Variants in NANS observed in about 807,000 individuals in gnomAD.
NANS encodes N-acetylneuraminate synthase.
A neutral mutation model predicts 33.3 loss-of-function variants in NANS; 29 were observed. That is an observed-to-expected ratio of 0.87 (90% CI 0.65 to 1.19). The LOEUF (loss-of-function observed/expected upper bound fraction) is 1.19, where lower values mean the gene tolerates loss of function less well. Among genes scored for constraint, NANS ranks in the 50% most tolerant of loss-of-function variants. The pLI, the probability that NANS is intolerant of heterozygous loss-of-function variation, is 0.00. For missense variants in NANS, 394 were observed against 461.1 expected (o/e 0.85, Z 1.33); for synonymous variants, 163 against 177.2 (o/e 0.92, Z 0.64).
At chr9:98,079,186 G>T (rs1382037724) in intron 4 of NANS, among the ~76,000 whole-genome samples, 2 of 152,178 alleles carry the variant, frequency 1.3e-5, no homozygotes, top group Non-Finnish European at 2.9e-5. Context: ...GGCAAAGCTG[G>T]AACTAGAACC....
chr9:98,062,986 G>A (rs1829028839), intron 2 of NANS, among the ~76,000 whole-genome samples: 1 of 151,796 alleles, frequency 6.6e-6, no homozygotes, highest in Non-Finnish European at 1.5e-5. Context: ...ACCCAGGCTG[G>A]AGTACAGTGG....
At chr9:98,080,357 GATTA>G (rs1337866882) in intron 4 of NANS, among the ~76,000 whole-genome samples, 14 of 152,280 alleles carry the variant, frequency 9.2e-5, no homozygotes, top group Admixed American at 3.3e-4. Context: ...ATAGATAACG[GATTA>G]ATTATTTATC....
In NANS at chr9:98,061,778, C is replaced by CA. The variant is rs34108164; in HGVS notation, c.348+795dup. Among the ~76,000 whole-genome samples, 541 of 116,016 alleles carry CA rather than the reference C, an allele frequency of 4.7e-3. 4 individuals are homozygous for CA. The highest frequency in any genetic ancestry group is 0.029 in the South Asian group (108 of 3,716). 76.1% of individuals were successfully genotyped at this position (116,016 alleles called of 152,430 possible). A position where few individuals can be genotyped will look rare whatever the true frequency, so the allele number is the denominator to read the frequency against. On this transcript the variant is annotated intron_variant, in intron 2 of 5. Transcript: ENST00000210444. Reference sequence around the variant, plus strand: ...CTGGTGATAGAGCAAGATTCCGTCTCAAAAAAAAAAAAAATTAATAATAAT... The same window carrying CA: ...CTGGTGATAGAGCAAGATTCCGTCTCAAAAAAAAAAAAAAATTAATAATAAT...
At position 98,060,661 on chromosome 9, in the gene NANS, ACT is replaced by A. The variant is rs891615912; in HGVS notation, c.133-118_133-117del. 7.0e-6 allele frequency: 7 copies of A among 1,004,554 alleles called. No individual in the cohort carries two copies. The African/African-American group carries it at 9.8e-5, about 14-fold the overall frequency. The allele number at this position is 1,004,554 out of a possible 1,614,324, so 62.2% of individuals were successfully genotyped here. A position where few individuals can be genotyped will look rare whatever the true frequency, so the allele number is the denominator to read the frequency against. The stretch of plus-strand genomic sequence containing the variant: ...ACTCCAGCCTGGGTGAAAGAGCGAA[ACT>A]CTGTCTCTAAATAAATAAATAAATA... On this transcript the variant is annotated intron_variant, in intron 1 of 5. Coordinates refer to ENST00000210444, the MANE Select transcript of NANS (RefSeq NM_018946.4).
chr9:98,075,992 T>G (rs1040013950), intron 2 of NANS: 1 of 152,118 alleles, frequency 6.6e-6, no homozygotes, highest in African/African-American at 2.4e-5. Context: ...TGTTGATGAA[T>G]ACTAGAGAAG....
chr9:98,060,605 G>A (rs543763742), intron 1 of NANS, among the ~76,000 whole-genome samples, 177 bp from the exon 2 acceptor site: 2 of 151,416 alleles, frequency 1.3e-5, no homozygotes, highest in African/African-American at 4.9e-5. Context: ...GGGAGGCATT[G>A]GTTGTAGTGA....
At chr9:98,066,034 G>A (rs1004149917) in intron 2 of NANS, among the ~76,000 whole-genome samples, 1 of 152,150 alleles carries the variant, frequency 6.6e-6, no homozygotes, top group African/African-American at 2.4e-5. Context: ...TAACCTGGTT[G>A]TTAAAAATAA....
chr9:98,077,024 G>A lies in NANS; in HGVS notation c.448+7G>A, dbSNP rs1829623682. The A allele has an allele frequency of 6.3e-7, 1 of 1,596,300 alleles. No individual in the cohort carries two copies. The highest frequency in any genetic ancestry group is 1.3e-5 in the African/African-American group (1 of 74,124). The stretch of plus-strand genomic sequence containing the variant: ...GAAAAGACAGCCAAAAAAGGTAAGT[G>A]TCTAATTTTTGACTTAAAATCGAAG... On this transcript the variant is annotated splice_region_variant and intron_variant, in intron 3 of 5. Transcript: ENST00000210444.
chr9:98,082,142 T>G (rs1395497110), intron 5 of NANS: 1 of 152,248 alleles, frequency 6.6e-6, no homozygotes, highest in Non-Finnish European at 1.5e-5. Context: ...GTCATGAGCT[T>G]CAGGTACCCT....
intron 2 of NANS, among the ~76,000 whole-genome samples, chr9:98,070,166 G>T (rs1176116756): frequency 6.6e-6 from 1 of 152,170 alleles, no homozygotes; most frequent in Non-Finnish European, 1.5e-5. Context: ...CACGCAGGCT[G>T]GAGTGCAGTG....
At chr9:98,063,850 T>C (rs1202994121) in intron 2 of NANS, among the ~76,000 whole-genome samples, 2 of 150,624 alleles carry the variant, frequency 1.3e-5, no homozygotes, top group African/African-American at 4.9e-5. Context: ...GCCTGTTTTT[T>C]TGTGCTAATA....
chr9:98,081,917 A>G (rs1587933106), intron 5 of NANS: 1 of 152,246 alleles, frequency 6.6e-6, no homozygotes, highest in East Asian at 1.9e-4. Context: ...GGAGAGAATT[A>G]GACCAGAAAC....
At chr9:98,080,169 ACG>A (rs2118009077) in intron 4 of NANS, among the ~76,000 whole-genome samples, 2 of 152,220 alleles carry the variant, frequency 1.3e-5, no homozygotes, top group Non-Finnish European at 2.9e-5. Context: ...AGCTGAGATC[ACG>A]CCATTGCACT....
intron 4 of NANS, 140 bp from the exon 5 acceptor site, chr9:98,080,676 C>A: frequency 1.1e-6 from 1 of 871,574 alleles, no homozygotes; most frequent in Non-Finnish European, 1.7e-6. Flanking sequence ...GAAAGAGAGG[C>A]TCAGAGAGCC....
chr9:98,064,707 G>A (rs1451208666), intron 2 of NANS, among the ~76,000 whole-genome samples: 1 of 152,206 alleles, frequency 6.6e-6, no homozygotes, highest in Non-Finnish European at 1.5e-5. Flanking sequence ...GTTAGGAAAT[G>A]GGTCTTAAAG....
chr9:98,075,997 G>C (rs1170356516), intron 2 of NANS: 1 of 152,044 alleles, frequency 6.6e-6, no homozygotes, highest in African/African-American at 2.4e-5. Flanking sequence ...ATGAATACTA[G>C]AGAAGGATGT....
At chr9:98,063,399 G>A (rs1184779392) in intron 2 of NANS, among the ~76,000 whole-genome samples, 1 of 151,674 alleles carries the variant, frequency 6.6e-6, no homozygotes, top group Non-Finnish European at 1.5e-5. Context: ...CTGCCACCAG[G>A]CCCAGCTAAA....
intron 5 of NANS, chr9:98,081,448 C>T (rs548509953): frequency 8.2e-5 from 17 of 207,288 alleles, no homozygotes; most frequent in African/African-American, 3.2e-4. Context: ...CAGGTAAGCC[C>T]TGAGAAACAT....
At chr9:98,074,942 GTTT>G (rs1375406553) in intron 2 of NANS, 1 of 152,098 alleles carries the variant, frequency 6.6e-6, no homozygotes. Context: ...TAAAACTGAT[GTTT>G]TTTCAGTTCT....
Sources: gnomAD v4.1 joint callset for allele counts (sites outside exome capture counted in the v4.1 genomes callset) on GRCh38, gnomAD v4.1.1 for gene constraint, MANE v1.5 for transcripts, NCBI Gene and HGNC (gene_info 2026-07-23, HGNC 2026-07-21) for gene names.